The following UBAP2L variants were observed in gnomAD, a reference collection of about 807,000 sequenced individuals.
UBAP2L encodes the protein ubiquitin associated protein 2 like, also known as ubiquitin-associated protein 2-like.
UBAP2L carries 12 observed loss-of-function variants against 130.6 expected under a neutral mutation model. The observed-to-expected ratio is 0.09, with a 90% confidence interval of 0.06 to 0.15. UBAP2L has a LOEUF of 0.15. Among genes scored for constraint, UBAP2L ranks in the 10% least tolerant of loss-of-function variants. The pLI, the probability that UBAP2L is intolerant of heterozygous loss-of-function variation, is 1.00. For synonymous variants in UBAP2L, 503 were observed against 524.7 expected (o/e 0.96, Z 0.57); for missense variants, 965 against 1,332.5 (o/e 0.72, Z 4.29).
rs1440950732 is a variant in UBAP2L at position 154,234,581 on chromosome 1, C to T, written c.280-10C>T. On this transcript the variant is annotated splice_polypyrimidine_tract_variant and intron_variant, in intron 4 of 26. Transcript: ENST00000428931. ...TATTGATTAGATATGAATGCTCTAC[C>T]CTTCTATAGCATTCCTGGGAGATGG... is the stretch of plus-strand genomic sequence containing the variant. The T allele has an allele frequency of 1.2e-6, 2 of 1,613,384 alleles. No homozygotes were observed. Among genetic ancestry groups the T allele is most frequent in the Non-Finnish European group, 8.5e-7 (1 of 1,179,594 alleles).
chr1:154,245,758 C>CAAA (rs752483138), intron 10 of UBAP2L, among the ~76,000 whole-genome samples: 2 of 143,260 alleles, frequency 1.4e-5, no homozygotes, highest in African/African-American at 5.1e-5. Flanking sequence ...ATTAAAAATA[C>CAAA]AAAAAAAAAA....
intron 11 of UBAP2L, 144 bp from the exon 12 acceptor site, chr1:154,249,095 T>C (rs1676631844): frequency 1.3e-6 from 1 of 744,406 alleles, no homozygotes; most frequent in East Asian, 2.5e-5. Flanking sequence ...TCCTATACTC[T>C]AGTGGACTAT....
At chr1:154,271,241 G>A, downstream of UBAP2L, 1 of 310,902 alleles carries the variant, frequency 3.2e-6, no homozygotes, top group Admixed American at 4.6e-5. Context: ...GCTTTATAGA[G>A]TTTTAAGTAT....
At chr1:154,234,991 C>T (rs1460634086) in intron 5 of UBAP2L, among the ~76,000 whole-genome samples, 1 of 152,166 alleles carries the variant, frequency 6.6e-6, no homozygotes, top group Non-Finnish European at 1.5e-5. Flanking sequence ...ATTTGACTTG[C>T]AGCTCTCCAT....
intron 14 of UBAP2L, among the ~76,000 whole-genome samples, chr1:154,253,183 T>C (rs1392478562): frequency 1.3e-5 from 2 of 151,784 alleles, no homozygotes; most frequent in Non-Finnish European, 2.9e-5. Flanking sequence ...TTTGTATTTT[T>C]AGTAGAGACA....
rs547205968 is a variant in UBAP2L, at chr1:154,228,842, G to A, written c.279+117G>A. 9 of 651,718 alleles carry A rather than the reference G, an allele frequency of 1.4e-5. No individual in the cohort carries two copies. In the East Asian group the frequency reaches 2.4e-4, roughly 18 times the overall value. 40.4% of individuals were successfully genotyped at this position (651,718 alleles called of 1,614,324 possible). A position where few individuals can be genotyped will look rare whatever the true frequency, so the allele number is the denominator to read the frequency against. The stretch of plus-strand genomic sequence containing the variant: ...CAGAGCACCTTTTTCTTGAAGTAAA[G>A]TTGGGAACTTTCTTGGAGATTGTTC... On this transcript the variant is annotated intron_variant, in intron 4 of 26. Transcript: ENST00000428931.
intron 20 of UBAP2L, 43 bp from the exon 21 acceptor site, chr1:154,258,931 ACAT>A: frequency 6.4e-7 from 1 of 1,551,604 alleles, no homozygotes; most frequent in Non-Finnish European, 8.9e-7. Flanking sequence ...TGTTTTGCTA[ACAT>A]CATGACCAGT....
At chr1:154,248,429 T>C (rs945297061) in intron 11 of UBAP2L, among the ~76,000 whole-genome samples, 2 of 152,166 alleles carry the variant, frequency 1.3e-5, no homozygotes, top group Non-Finnish European at 2.9e-5. Flanking sequence ...CAGTTAATTG[T>C]TGTTTCTTTT....
chr1:154,235,362 T>A (rs1164220254), intron 6 of UBAP2L, 71 bp downstream of exon 6: 19 of 658,128 alleles, frequency 2.9e-5, no homozygotes, highest in South Asian at 2.1e-4. Context: ...TGCTTTATTT[T>A]TTTTTTTTAT....
chr1:154,249,693 T>C (rs747897407), intron 12 of UBAP2L, among the ~76,000 whole-genome samples: 3 of 152,026 alleles, frequency 2.0e-5, no homozygotes, highest in Admixed American at 6.5e-5. Flanking sequence ...CCTAGCACTT[T>C]GGGAGGTTGA....
chr1:154,234,328 A>T (rs1571675325), intron 4 of UBAP2L, among the ~76,000 whole-genome samples: 2 of 152,120 alleles, frequency 1.3e-5, no homozygotes, highest in East Asian at 3.8e-4. Context: ...ACACCACTGC[A>T]CTCCAGCCTG....
At chr1:154,237,217 G>A (rs1024696880) in intron 8 of UBAP2L, 81 bp downstream of exon 8, 14 of 1,270,190 alleles carry the variant, frequency 1.1e-5, no homozygotes, top group African/African-American at 5.9e-5. Context: ...ACATTAAAAC[G>A]TGGAAGAATA....
intron 9 of UBAP2L, 151 bp from the exon 10 acceptor site, chr1:154,243,066 G>C (rs1674105766): frequency 1.6e-6 from 1 of 609,940 alleles, no homozygotes; most frequent in African/African-American, 1.8e-5. Flanking sequence ...TGAAGGGCTT[G>C]AAAGTCAATC....
chr1:154,255,417 A>G (rs1005371125), intron 17 of UBAP2L, 91 bp downstream of exon 17: 61 of 1,486,442 alleles, frequency 4.1e-5, no homozygotes, highest in Non-Finnish European at 5.5e-5. Context: ...GGCAGAGACC[A>G]CATTAGCCCT....
intron 24 of UBAP2L, chr1:154,263,184 TG>T: frequency 6.4e-7 from 1 of 1,551,292 alleles, no homozygotes; most frequent in Non-Finnish European, 8.7e-7. Flanking sequence ...GTGTTTTGTG[TG>T]TGTGTATAAA....
intron 14 of UBAP2L, among the ~76,000 whole-genome samples, chr1:154,252,769 G>A (rs773405932): frequency 6.6e-6 from 1 of 152,074 alleles, no homozygotes; most frequent in Admixed American, 6.5e-5. Context: ...ATGTTGTTCA[G>A]GCCAGTCTTG....
At position 154,260,985 on chromosome 1, in the gene UBAP2L, A is replaced by G; in HGVS notation, c.2672A>G (p.His891Arg). The G allele has an allele frequency of 6.2e-7, 1 of 1,614,210 alleles. No homozygotes were observed. Among genetic ancestry groups the G allele is most frequent in the Non-Finnish European group, 8.5e-7 (1 of 1,180,040 alleles). The change falls in exon 23 of 27, where the codon CAT (histidine) becomes CGT (arginine). Residue 891 changes from histidine to arginine, a missense_variant. His to Arg is a conservative substitution (Grantham distance 29, BLOSUM62 0). Around this residue, in one of 9 missense-constraint regions of UBAP2L, gnomAD observed 194 missense variants for 334.0 expected, o/e 0.58. Transcript: ENST00000428931. ...QPQQNQTQTH[H>R]TTQQTFLNPA... ...CAACAGAACCAGACGCAGACTCACC[A>G]TACCACGCAGCAGACATTCCTGAAC... is the stretch of plus-strand genomic sequence containing the variant.
rs17849745 is a variant in UBAP2L at position 154,251,273 on chromosome 1, G to A, written c.1446G>A (p.Gln482=). The change falls in exon 13 of 27, where the codon CAG becomes CAA. Residue 482 remains glutamine (Q), a synonymous_variant. Coordinates refer to ENST00000428931, the MANE Select transcript of UBAP2L (RefSeq NM_014847.4). Reference sequence around the variant, plus strand: ...AGTCCTCTAGCCCTCAGCCGGCTCAGCAGAAACTGAAACAGCAGAAGAAAA... The same window carrying A: ...AGTCCTCTAGCCCTCAGCCGGCTCAACAGAAACTGAAACAGCAGAAGAAAA... ...DNQSSSPQPA[Q]QKLKQQKKKA... 1.2e-6 allele frequency: 2 copies of A among 1,614,098 alleles called. No homozygotes were observed. Among genetic ancestry groups the A allele is most frequent in the African/African-American group, 2.7e-5 (2 of 75,024 alleles).
At chr1:154,241,377 C>T (rs1673569965) in intron 8 of UBAP2L, 136 bp from the exon 9 acceptor site, 3 of 742,912 alleles carry the variant, frequency 4.0e-6, no homozygotes, top group Non-Finnish European at 6.7e-6. Flanking sequence ...TGTGAGCCAC[C>T]ACACCTGGCC....
Sources: allele counts gnomAD v4.1 joint callset (sites outside exome capture counted in the v4.1 genomes callset), GRCh38; gene constraint gnomAD v4.1.1; regional missense constraint gnomAD v4.1.1; transcripts MANE v1.5; gene names NCBI Gene and HGNC (gene_info 2026-07-23, HGNC 2026-07-21).